DCDC2C: variants seen among roughly 807,000 people sequenced by gnomAD.
The protein encoded by DCDC2C is doublecortin domain-containing protein 2C.
A neutral mutation model predicts 45.0 loss-of-function variants in DCDC2C; 44 were observed. The observed-to-expected ratio is 0.98, with a 90% CI of 0.77 to 1.26. The LOEUF (loss-of-function observed/expected upper bound fraction) is 1.26. Ranked by LOEUF, DCDC2C falls within the 50% of genes most tolerant of loss-of-function variation. The pLI, the probability that DCDC2C is intolerant of heterozygous loss-of-function variation, is 0.00. For synonymous variants in DCDC2C, 187 were observed against 178.8 expected, an observed-to-expected ratio of 1.05 and a Z score of -0.37; for missense variants, 447 against 468.9, an observed-to-expected ratio of 0.95 and a Z score of 0.43.
At chr2:3,832,921 A>G (rs1362267362) in intron 10 of DCDC2C, among the ~76,000 whole-genome samples, 1 of 152,234 alleles carries the variant, frequency 6.6e-6, no homozygotes, top group East Asian at 1.9e-4. Context: ...AAACAGCACA[A>G]GGTTATGATT....
intron 10 of DCDC2C, among the ~76,000 whole-genome samples, chr2:3,807,795 C>A (rs960763951): frequency 1.3e-5 from 2 of 152,022 alleles, no homozygotes; most frequent in Non-Finnish European, 2.9e-5. Context: ...CTGGTTTTAC[C>A]CTTTTCAGAG....
intron 10 of DCDC2C, among the ~76,000 whole-genome samples, chr2:3,813,371 A>G (rs1671467764): frequency 6.6e-6 from 1 of 152,052 alleles, no homozygotes; most frequent in East Asian, 1.9e-4. Flanking sequence ...CTGGCCAAAG[A>G]ATGTATATTC....
chr2:3,808,079 A>G (rs549985108), intron 10 of DCDC2C, among the ~76,000 whole-genome samples: 11 of 152,264 alleles, frequency 7.2e-5, no homozygotes, highest in African/African-American at 2.2e-4. Context: ...TGCATTTTTC[A>G]CTGTGTAAGA....
In DCDC2C at chr2:3,775,194, C is replaced by G. The variant is rs13027715; in HGVS notation, c.955-3622C>G. 6.2e-3 allele frequency among the ~76,000 whole-genome samples: 435 copies of G among 70,022 alleles called. 20 individuals carry two copies. The highest frequency in any genetic ancestry group is 0.023 in the African/African-American group (399 of 17,122). The allele number at this position is 70,022 out of a possible 152,430, so 45.9% of individuals were successfully genotyped here. Reference sequence around the variant, plus strand: ...GGCTGTGGGCTAGGCAGCTGTGGCTCTGAGCTAGGCAGCTGTGGCTGTGGA... The same window carrying G: ...GGCTGTGGGCTAGGCAGCTGTGGCTGTGAGCTAGGCAGCTGTGGCTGTGGA... On this transcript the variant is annotated intron_variant, in intron 8 of 10. Coordinates refer to ENST00000399143, the MANE Select transcript of DCDC2C (RefSeq NM_001287444.2).
At chr2:3,709,373 C>T (rs903586442) in intron 2 of DCDC2C, among the ~76,000 whole-genome samples, 3 of 152,184 alleles carry the variant, frequency 2.0e-5, no homozygotes, top group Non-Finnish European at 4.4e-5. Context: ...TTAAGGGCTT[C>T]CCCTCCACAT....
intron 9 of DCDC2C, among the ~76,000 whole-genome samples, chr2:3,780,339 C>T (rs1670476858): frequency 6.6e-6 from 1 of 152,166 alleles, no homozygotes; most frequent in African/African-American, 2.4e-5. Context: ...TGTGGTGTCC[C>T]CTGAATCCCT....
At chr2:3,832,364 C>T (rs1671973407) in intron 10 of DCDC2C, among the ~76,000 whole-genome samples, 1 of 152,216 alleles carries the variant, frequency 6.6e-6, no homozygotes, top group Non-Finnish European at 1.5e-5. Context: ...AAAGAACCAT[C>T]AAGATCCTGT....
chr2:3,746,013 C>T (rs73144848), intron 4 of DCDC2C, among the ~76,000 whole-genome samples: 177 of 150,170 alleles, frequency 1.2e-3, no homozygotes, highest in African/African-American at 4.2e-3. Context: ...CAGAGAAATA[C>T]TTAAGTGAAA....
intron 3 of DCDC2C, among the ~76,000 whole-genome samples, chr2:3,731,204 C>T (rs527242222): frequency 6.6e-6 from 1 of 152,158 alleles, no homozygotes; most frequent in Non-Finnish European, 1.5e-5. Flanking sequence ...GACAGACCAC[C>T]CTACCAGGCT....
At chr2:3,798,976 G>T (rs979455958) in intron 10 of DCDC2C, among the ~76,000 whole-genome samples, 4 of 152,248 alleles carry the variant, frequency 2.6e-5, no homozygotes, top group African/African-American at 9.6e-5. Flanking sequence ...TTTCCAACTT[G>T]GTTCCATTCT....
intron 10 of DCDC2C, among the ~76,000 whole-genome samples, chr2:3,829,833 C>G (rs984584328): frequency 2.5e-4 from 38 of 152,208 alleles, no homozygotes; most frequent in Admixed American, 6.5e-4. Flanking sequence ...CCTGCTTTTC[C>G]TCTTCCTATT....
intron 8 of DCDC2C, among the ~76,000 whole-genome samples, chr2:3,772,778 T>C (rs1275160640): frequency 6.6e-6 from 1 of 152,228 alleles, no homozygotes; most frequent in African/African-American, 2.4e-5. Flanking sequence ...CTCCAGCTTC[T>C]GTCACCTGGG....
chr2:3,718,977 C>T (rs1668421276), intron 2 of DCDC2C, among the ~76,000 whole-genome samples: 1 of 152,184 alleles, frequency 6.6e-6, no homozygotes, highest in African/African-American at 2.4e-5. Flanking sequence ...TTACAACCCT[C>T]TTGTAAGACA....
At chr2:3,842,361 C>T (rs182680576) in intron 10 of DCDC2C, among the ~76,000 whole-genome samples, 81 of 151,510 alleles carry the variant, frequency 5.3e-4, no homozygotes, top group African/African-American at 1.8e-3. Flanking sequence ...ATTTATAGAA[C>T]GTGTTATAAA....
In DCDC2C at chr2:3,761,940, C is replaced by T. The variant is rs185567448; in HGVS notation, c.727-5814C>T. On this transcript the variant is annotated intron_variant, in intron 6 of 10. Coordinates refer to ENST00000399143, the MANE Select transcript of DCDC2C (RefSeq NM_001287444.2). This position sits in a 1 kb window ranked among gnomAD's most constrained non-coding sequence, Gnocchi z 4.3. Reference sequence around the variant, plus strand: ...TTTAAAGCACTGCAGAGAAATAAAACCAACATACGTGAGGTTCATTTTCTG... The same window carrying T: ...TTTAAAGCACTGCAGAGAAATAAAATCAACATACGTGAGGTTCATTTTCTG... Among the ~76,000 whole-genome samples, 2 of 152,226 alleles carry T rather than the reference C, an allele frequency of 1.3e-5. No homozygotes were observed. Among genetic ancestry groups the T allele is most frequent in the East Asian group, 1.9e-4 (1 of 5,182 alleles).
intron 3 of DCDC2C, among the ~76,000 whole-genome samples, chr2:3,731,164 C>T (rs1031497022): frequency 6.6e-5 from 10 of 152,084 alleles, no homozygotes; most frequent in African/African-American, 1.2e-4. Flanking sequence ...ATAGTGTATC[C>T]GTCACCATAG....
chr2:3,798,450 A>T, intron 10 of DCDC2C, among the ~76,000 whole-genome samples: 1 of 148,840 alleles, frequency 6.7e-6, no homozygotes, highest in African/African-American at 2.5e-5. Flanking sequence ...TAGTTGATGC[A>T]GTTTCTTCCT....
chr2:3,822,717 T>C (rs1218382367), intron 10 of DCDC2C, among the ~76,000 whole-genome samples: 1 of 152,132 alleles, frequency 6.6e-6, no homozygotes, highest in Non-Finnish European at 1.5e-5. Context: ...GAAGTTTCAG[T>C]AACTGATTTG....
chr2:3,747,122 A>T (rs774837155), intron 4 of DCDC2C, among the ~76,000 whole-genome samples: 9 of 152,182 alleles, frequency 5.9e-5, no homozygotes, highest in Non-Finnish European at 1.2e-4. Flanking sequence ...GCTAATGATG[A>T]ATGCCAGGGC....
Sources: allele counts gnomAD v4.1 joint callset (sites outside exome capture counted in the v4.1 genomes callset), GRCh38; gene constraint gnomAD v4.1.1; non-coding constraint Gnocchi (gnomAD v3.1); transcripts MANE v1.5; gene names NCBI Gene and HGNC (gene_info 2026-07-23, HGNC 2026-07-21).